The following ADAMTS18 variants were observed in gnomAD, a reference collection of about 807,000 sequenced individuals.
ADAMTS18 encodes A disintegrin and metalloproteinase with thrombospondin motifs 18.
A neutral mutation model predicts 165.9 loss-of-function variants in ADAMTS18; 157 were observed. The observed-to-expected ratio is 0.95, with a 90% CI of 0.83 to 1.08. The LOEUF (loss-of-function observed/expected upper bound fraction) is 1.08, where lower values mean the gene tolerates loss of function less well. Among genes scored for constraint, ADAMTS18 ranks in the 50% least tolerant of loss-of-function variants. The pLI, the probability that ADAMTS18 is intolerant of heterozygous loss-of-function variation, is 0.00. For missense variants in ADAMTS18, 2,040 were observed against 1,534.0 expected, an observed-to-expected ratio of 1.33 and a Z score of -5.51; for synonymous variants, 782 against 578.2, an observed-to-expected ratio of 1.35 and a Z score of -5.06.
In ADAMTS18 at chr16:77,319,848, C is replaced by T. The variant is rs1194699158; in HGVS notation, c.2532+1G>A. ...GAACTGAATACACAGAAGGGGCTTACTTCAAAGACCAGCGTCTCATTTGTG... is the reference window on the plus strand; with the variant it reads ...GAACTGAATACACAGAAGGGGCTTATTTCAAAGACCAGCGTCTCATTTGTG... On this transcript the variant is annotated splice_donor_variant, in intron 16 of 22. Coordinates refer to ENST00000282849, the MANE Select transcript of ADAMTS18 (RefSeq NM_199355.4). LOFTEE classifies it high-confidence loss of function. 2 of 1,614,124 alleles carry T rather than the reference C, an allele frequency of 1.2e-6. No individual in the cohort carries two copies. The highest frequency in any genetic ancestry group is 1.7e-6 in the Non-Finnish European group (2 of 1,179,998).
chr16:77,318,409 C>T (rs1812526), intron 16 of ADAMTS18, among the ~76,000 whole-genome samples: 65,059 of 152,000 alleles, frequency 0.43, 14,660 homozygotes, highest in East Asian at 0.88. Context: ...GGAAGACTTA[C>T]GTTCAAACCT....
At position 77,334,229 on chromosome 16, in the gene ADAMTS18, A is replaced by G. The variant is rs1376434195; in HGVS notation, c.1859+1527T>C. On this transcript the variant is annotated intron_variant, in intron 12 of 22. Coordinates refer to ENST00000282849, the MANE Select transcript of ADAMTS18 (RefSeq NM_199355.4). ...TAATATACAGTGTTATATATTATAT[A>G]TAATATATAGTGTTATATATTACAT... 3.8e-5 allele frequency among the ~76,000 whole-genome samples: 3 copies of G among 78,150 alleles called. 1 individual carries two copies. Among genetic ancestry groups the G allele is most frequent in the Admixed American group, 2.0e-4 (1 of 4,910 alleles). The allele number at this position is 78,150 out of a possible 152,430, so 51.3% of individuals were successfully genotyped here.
chr16:77,289,310 C>T lies in ADAMTS18; in HGVS notation c.3504G>A (p.Val1168=). ...AGAAGTTTGTATTACAGGCTCGTAGCACCGGAGGTTTCTGATGGAGCAGAC... is the reference window on the plus strand; with the variant it reads ...AGAAGTTTGTATTACAGGCTCGTAGTACCGGAGGTTTCTGATGGAGCAGAC... ...SSCLLHQKPP[V]LRACNTNFCP... is the part of the protein sequence containing the mutation. Residue 1168 remains valine, a synonymous_variant, in exon 22 of 23, where the codon GTG becomes GTA. Transcript: ENST00000282849. 6.2e-7 allele frequency: 1 copy of T among 1,614,158 alleles called. No individual in the cohort carries two copies.
intron 12 of ADAMTS18, among the ~76,000 whole-genome samples, chr16:77,330,123 G>C (rs1293550855): frequency 6.6e-6 from 1 of 152,146 alleles, no homozygotes; most frequent in African/African-American, 2.4e-5. Context: ...CTGATAACCA[G>C]CTGAGCCGTG....
At chr16:77,360,103 A>G (rs2056690475) in intron 7 of ADAMTS18, among the ~76,000 whole-genome samples, 1 of 152,182 alleles carries the variant, frequency 6.6e-6, no homozygotes, top group African/African-American at 2.4e-5. Context: ...AGTAGAACAA[A>G]TCTATGTACC....
At chr16:77,298,549 T>C (rs1015278835) in intron 17 of ADAMTS18, among the ~76,000 whole-genome samples, 1 of 152,006 alleles carries the variant, frequency 6.6e-6, no homozygotes, top group African/African-American at 2.4e-5. Flanking sequence ...CCCAGCACTT[T>C]GGGAGGTCAA....
intron 3 of ADAMTS18, among the ~76,000 whole-genome samples, chr16:77,373,465 G>GAAAAAAAAA (rs371326389): frequency 1.3e-5 from 1 of 78,146 alleles, no homozygotes. Flanking sequence ...CCTCAAAAAA[G>GAAAAAAAAA]AAAAAAAAAA....
At position 77,434,698 on chromosome 16, in the gene ADAMTS18, T is replaced by A. The variant is rs1164799908; in HGVS notation, c.-3A>T. The A allele has an allele frequency of 6.9e-7, 1 of 1,458,410 alleles. No homozygotes were observed. The highest frequency in any genetic ancestry group is 3.0e-5 in the East Asian group (1 of 32,896). The allele number at this position is 1,458,410 out of a possible 1,614,324, so 90.3% of individuals were successfully genotyped here. A position where few individuals can be genotyped will look rare whatever the true frequency, so the allele number is the denominator to read the frequency against. ...GCGAGCAGGAGGGCGCACTCCATGG[T>A]CAGGTGCGGACGCGGCGGCTGCGGG... On this transcript the variant is annotated 5_prime_UTR_variant, in exon 1 of 23. The change abolishes the stop of an existing upstream ORF in the 5' untranslated region. Coordinates refer to ENST00000282849, the MANE Select transcript of ADAMTS18 (RefSeq NM_199355.4).
chr16:77,327,515 G>A (rs554536052), intron 12 of ADAMTS18, among the ~76,000 whole-genome samples: 12 of 152,202 alleles, frequency 7.9e-5, no homozygotes, highest in African/African-American at 2.6e-4. Flanking sequence ...ATCAATCAAC[G>A]AGTAAAGAAA....
Position 77,431,364 on chromosome 16 carries a change from T to C in ADAMTS18, c.426A>G (p.Gln142=), listed in dbSNP as rs1413805244. The C allele has an allele frequency of 1.2e-6, 2 of 1,613,986 alleles. No homozygotes were observed. Among genetic ancestry groups the C allele is most frequent in the African/African-American group, 2.7e-5 (2 of 74,898 alleles). ...ASETQKPEVQ[Q]CFYQGFIRND... ...TTCTGATAAATCCCTGATAGAAGCA[T>C]TGCTGCACCTCGGGTTTCTGAGTCT... The change falls in exon 3 of 23, where the codon CAA becomes CAG. Residue 142 remains glutamine (Q), a synonymous_variant. Coordinates refer to ENST00000282849, the MANE Select transcript of ADAMTS18 (RefSeq NM_199355.4).
intron 3 of ADAMTS18, among the ~76,000 whole-genome samples, chr16:77,368,437 C>CTT (rs892324445): frequency 0.02 from 2,657 of 132,924 alleles, 39 homozygotes; most frequent in African/African-American, 0.037. Context: ...TTCTTTTTTT[C>CTT]TTTTTTTTTT....
rs1415039564 is a variant in ADAMTS18 at position 77,297,360 on chromosome 16, G to A, written c.2730C>T (p.Ser910=). The part of the protein sequence containing the change: ...CLRDQNTQVN[S]SFCSAKTKPV... ...GCTTGGTTTTTGCACTGCAGAATGA[G>A]GAATTGACTTGAGTATTTTGATCTC... The change falls in exon 18 of 23, where the codon TCC becomes TCT. Residue 910 remains serine, a synonymous_variant. Transcript: ENST00000282849. 6.2e-7 allele frequency: 1 copy of A among 1,613,940 alleles called. No individual in the cohort carries two copies. Among genetic ancestry groups the A allele is most frequent in the Non-Finnish European group, 8.5e-7 (1 of 1,179,852 alleles).
At chr16:77,353,559 G>C (rs915628549) in intron 10 of ADAMTS18, among the ~76,000 whole-genome samples, 174 bp downstream of exon 10, 1 of 152,134 alleles carries the variant, frequency 6.6e-6, no homozygotes, top group African/African-American at 2.4e-5. Context: ...GATAGGCCTG[G>C]ATAATTCATT....
intron 3 of ADAMTS18, among the ~76,000 whole-genome samples, chr16:77,417,897 C>T (rs1004407715): frequency 3.3e-5 from 5 of 152,158 alleles, no homozygotes; most frequent in African/African-American, 7.2e-5. Context: ...AACAGCTCAT[C>T]GCTCCTATTC....
At chr16:77,310,104 C>G (rs1332515205) in intron 16 of ADAMTS18, among the ~76,000 whole-genome samples, 1 of 152,186 alleles carries the variant, frequency 6.6e-6, no homozygotes, top group Non-Finnish European at 1.5e-5. Context: ...GGGGCAAGGA[C>G]AGGCTGGGTT....
intron 17 of ADAMTS18, 36 bp from the exon 18 acceptor site, chr16:77,297,451 C>T (rs754120343): frequency 6.3e-7 from 1 of 1,589,766 alleles, no homozygotes; most frequent in Non-Finnish European, 8.6e-7. Context: ...GTGAAAATTA[C>T]AGATTATTAT....
intron 10 of ADAMTS18, among the ~76,000 whole-genome samples, chr16:77,348,072 C>CAT (rs1567502845): frequency 3.3e-5 from 5 of 151,994 alleles, no homozygotes; most frequent in African/African-American, 1.2e-4. Flanking sequence ...AGTTCATTCA[C>CAT]ATATAGATAT....
chr16:77,309,572 G>T (rs1253641029), intron 16 of ADAMTS18, among the ~76,000 whole-genome samples: 1 of 152,164 alleles, frequency 6.6e-6, no homozygotes, highest in Non-Finnish European at 1.5e-5. Flanking sequence ...AAAAGTGAAG[G>T]TCTGTTTTCT....
chr16:77,287,843 A>G (rs1056029044), intron 22 of ADAMTS18, among the ~76,000 whole-genome samples: 3 of 152,168 alleles, frequency 2.0e-5, no homozygotes, highest in African/African-American at 4.8e-5. Flanking sequence ...CACAGGTAGA[A>G]CTGACCATCA....
Sources: gnomAD v4.1 joint callset for allele counts (sites outside exome capture counted in the v4.1 genomes callset) on GRCh38, gnomAD v4.1.1 for gene constraint, MANE v1.5 for transcripts, NCBI Gene and HGNC (gene_info 2026-07-23, HGNC 2026-07-21) for gene names.